The following SPATA6L variants were observed in gnomAD, a reference collection of about 807,000 sequenced individuals.
SPATA6L encodes spermatogenesis associated 6-like protein.
A neutral mutation model predicts 49.2 loss-of-function variants in SPATA6L; 68 were observed. That is an observed-to-expected ratio of 1.38 (90% CI 1.14 to 1.69). The LOEUF (loss-of-function observed/expected upper bound fraction) is 1.69, where lower values mean the gene tolerates loss of function less well. Among genes scored for constraint, SPATA6L ranks in the 40% most tolerant of loss-of-function variants. The pLI is 0.00. For missense variants in SPATA6L, 668 were observed against 464.3 expected, an observed-to-expected ratio of 1.44 and a Z score of -4.03; for synonymous variants, 198 against 165.7, an observed-to-expected ratio of 1.19 and a Z score of -1.50.
chr9:4,618,839 T>C (rs775540820), intron 8 of SPATA6L, 25 bp downstream of exon 8: 7 of 1,603,122 alleles, frequency 4.4e-6, no homozygotes, highest in Admixed American at 3.4e-5. Context: ...GTAAATCATT[T>C]TACAAATTCT....
At position 4,600,060 on chromosome 9, in the gene SPATA6L, T is replaced by G. The variant is rs1366771354; in HGVS notation, c.*751A>C. On this transcript the variant is annotated 3_prime_UTR_variant, in exon 12 of 12. Coordinates refer to ENST00000682582, the MANE Select transcript of SPATA6L (RefSeq NM_001353486.2). The stretch of plus-strand genomic sequence containing the variant: ...TAACTTTAAAACCTGGCATTGGCAG[T>G]CCTATCTGTAGAACCTATTTACTTA... Among the ~76,000 whole-genome samples, 2 of 152,210 alleles carry G rather than the reference T, an allele frequency of 1.3e-5. No individual in the cohort carries two copies. The highest frequency in any genetic ancestry group is 6.5e-5 in the Admixed American group (1 of 15,290).
At chr9:4,627,836 T>G in intron 5 of SPATA6L, 1 of 1,286,954 alleles carries the variant, frequency 7.8e-7, no homozygotes. Flanking sequence ...CTATTCACAA[T>G]AGCCAAGATT....
intron 4 of SPATA6L, among the ~76,000 whole-genome samples, chr9:4,631,117 A>G (rs1831445621): frequency 6.6e-6 from 1 of 152,202 alleles, no homozygotes; most frequent in Non-Finnish European, 1.5e-5. Flanking sequence ...ACTCCTTGCA[A>G]TGACTTACAG....
Position 4,622,527 on chromosome 9 carries a change from G to A in SPATA6L, c.670-17C>T. On this transcript the variant is annotated splice_polypyrimidine_tract_variant and intron_variant, in intron 6 of 11. Transcript: ENST00000682582. ...ACTGTCCACCTGAAAGTAAAGGAAA[G>A]AAATAAGACTAGAATCCACTATAGC... 1 of 1,551,054 alleles carries A rather than the reference G, an allele frequency of 6.4e-7. No individual in the cohort carries two copies. Among genetic ancestry groups the A allele is most frequent in the Non-Finnish European group, 8.9e-7 (1 of 1,127,582 alleles).
chr9:4,652,662 A>T (rs937734443), intron 3 of SPATA6L, among the ~76,000 whole-genome samples: 2 of 151,638 alleles, frequency 1.3e-5, no homozygotes, highest in Non-Finnish European at 2.9e-5. Flanking sequence ...ACCAACATGC[A>T]GAAACCCCGT....
chr9:4,618,713 G>A, intron 8 of SPATA6L, 151 bp downstream of exon 8: 1 of 733,708 alleles, frequency 1.4e-6, no homozygotes. Flanking sequence ...ATAACATGGA[G>A]TCTGGGCACA....
chr9:4,650,854 GTGTGTGTGTGTGTGTGTGTGTA>G (rs1323481704), intron 3 of SPATA6L, among the ~76,000 whole-genome samples: 1 of 87,004 alleles, frequency 1.1e-5, no homozygotes, highest in Non-Finnish European at 2.7e-5. Flanking sequence ...GTGTGTGTGT[GTGTGTGTGTGTGTGTGTGTGTA>G]TTTTTGATAG....
chr9:4,649,130 G>T (rs548696992), intron 3 of SPATA6L, among the ~76,000 whole-genome samples: 1 of 151,958 alleles, frequency 6.6e-6, no homozygotes, highest in South Asian at 2.1e-4. Flanking sequence ...TTGATTGATG[G>T]GCATTTGGAT....
rs144775981 is a variant in SPATA6L at position 4,620,976 on chromosome 9, C to T, written c.772+1432G>A. Among the ~76,000 whole-genome samples the T allele has an allele frequency of 1.2e-3, 182 of 152,342 alleles. 1 individual carries two copies. The highest frequency in any genetic ancestry group is 4.0e-3 in the African/African-American group (167 of 41,574). On this transcript the variant is annotated intron_variant, in intron 7 of 11. Transcript: ENST00000682582. ...ATTCTGCTTCAAACTCTACTCTGTC[C>T]TTGCAGCTGCTGTCAAACAGCTACC...
chr9:4,611,736 C>G (rs1049792987), intron 9 of SPATA6L, among the ~76,000 whole-genome samples: 1 of 151,460 alleles, frequency 6.6e-6, no homozygotes, highest in African/African-American at 2.4e-5. Context: ...CAGCGTGGCA[C>G]ATGTATACAT....
At chr9:4,651,591 C>G (rs421778) in intron 3 of SPATA6L, among the ~76,000 whole-genome samples, 15,168 of 152,166 alleles carry the variant, frequency 0.1, 932 homozygotes, top group African/African-American at 0.17. Flanking sequence ...CCAAAATCCT[C>G]AACATAATAC....
rs931271958 is a variant in SPATA6L, at chr9:4,626,690, G to A, written c.430-1124C>T. On this transcript the variant is annotated intron_variant, in intron 5 of 11. Transcript: ENST00000682582. ...TCTGTTACAGTCACAAGTTTGGTGT[G>A]GTTTCCTGACTGGACCCTGGCTGAT... 7 of 725,194 alleles carry A rather than the reference G, an allele frequency of 9.7e-6. No individual in the cohort carries two copies. The African/African-American group carries it at 1.1e-4, about 12-fold the overall frequency. The allele number at this position is 725,194 out of a possible 1,614,324, so 44.9% of individuals were successfully genotyped here.
At chr9:4,624,726 T>C (rs1440173724) in intron 6 of SPATA6L, among the ~76,000 whole-genome samples, 3 of 109,864 alleles carry the variant, frequency 2.7e-5, no homozygotes, top group Non-Finnish European at 3.5e-5. Flanking sequence ...AGACTCTGTC[T>C]CAAAAAAAAA....
At position 4,662,385 on chromosome 9, in the gene SPATA6L, C is replaced by A. The variant is rs780790260; in HGVS notation, c.40-349G>T. On this transcript the variant is annotated intron_variant, in intron 1 of 11. Transcript: ENST00000682582. The surrounding 1 kb of genome is among the most constrained non-coding windows in gnomAD (Gnocchi z 4.9). The stretch of plus-strand genomic sequence containing the variant: ...CGGGCCGCCAGCTGCGATGCCAAGT[C>A]CCCGGAGGAGCATGGAGGGACGGCC... 3 of 1,527,576 alleles carry A rather than the reference C, an allele frequency of 2.0e-6. No homozygotes were observed. The highest frequency in any genetic ancestry group is 2.6e-6 in the Non-Finnish European group (3 of 1,144,810). 94.6% of individuals were successfully genotyped at this position (1,527,576 alleles called of 1,614,324 possible).
intron 9 of SPATA6L, among the ~76,000 whole-genome samples, chr9:4,611,905 A>G (rs1826842777): frequency 6.6e-6 from 1 of 152,156 alleles, no homozygotes; most frequent in African/African-American, 2.4e-5. Context: ...GTACAACTGC[A>G]TGATCATAGC....
Position 4,662,800 on chromosome 9 carries a change from A to G in SPATA6L, c.40-764T>C. 2 of 1,605,252 alleles carry G rather than the reference A, an allele frequency of 1.2e-6. No individual in the cohort carries two copies. The highest frequency in any genetic ancestry group is 1.7e-6 in the Non-Finnish European group (2 of 1,179,920). On this transcript the variant is annotated intron_variant, in intron 1 of 11. Coordinates refer to ENST00000682582, the MANE Select transcript of SPATA6L (RefSeq NM_001353486.2). This position sits in a 1 kb window ranked among gnomAD's most constrained non-coding sequence, Gnocchi z 4.9. ...ATGAAGCTGCTGGAGATCTCGGGAC[A>G]CGGCATCCCCTGGCTGCTGGGCACC...
chr9:4,614,048 C>A (rs1336549434), intron 9 of SPATA6L, among the ~76,000 whole-genome samples: 1 of 152,128 alleles, frequency 6.6e-6, no homozygotes, highest in African/African-American at 2.4e-5. Context: ...TTGTTACATG[C>A]AATTTATTTT....
intron 13 of SPATA6L, among the ~76,000 whole-genome samples, chr9:4,592,260 A>G (rs1451016845): frequency 6.7e-6 from 1 of 149,230 alleles, no homozygotes; most frequent in Non-Finnish European, 1.5e-5. Flanking sequence ...GTTTGCAGTG[A>G]GCTGAGATCA....
intron 3 of SPATA6L, among the ~76,000 whole-genome samples, chr9:4,654,167 T>C (rs1184664936): frequency 6.6e-6 from 1 of 152,160 alleles, no homozygotes; most frequent in Non-Finnish European, 1.5e-5. Flanking sequence ...TCGGCCAGGA[T>C]GTGGGAAAAT....
Sources: allele counts gnomAD v4.1 joint callset (sites outside exome capture counted in the v4.1 genomes callset), GRCh38; gene constraint gnomAD v4.1.1; non-coding constraint Gnocchi (gnomAD v3.1); transcripts MANE v1.5; gene names NCBI Gene and HGNC (gene_info 2026-07-23, HGNC 2026-07-21).